Variants in HLCS observed in about 807,000 individuals in gnomAD.
The protein encoded by HLCS is biotin--protein ligase.
Under a neutral mutation model 75.0 loss-of-function variants are expected in HLCS, and 53 were observed. The observed-to-expected ratio is 0.71, with a 90% CI of 0.57 to 0.89. The LOEUF is 0.89. HLCS is among the 40% of genes least tolerant of loss of function. HLCS has a pLI of 0.00. For synonymous variants in HLCS, 431 were observed against 428.6 expected (o/e 1.01, Z -0.07); for missense variants, 966 against 1,074.0 (o/e 0.90, Z 1.41).
At chr21:36,940,843 G>A (rs766106002) in intron 2 of HLCS, among the ~76,000 whole-genome samples, 23 of 152,236 alleles carry the variant, frequency 1.5e-4, no homozygotes, top group Middle Eastern at 3.2e-3. Context: ...GACCTGGTGG[G>A]AGGTGACAGG....
chr21:36,889,068 G>A (rs778810704), intron 6 of HLCS, among the ~76,000 whole-genome samples: 69 of 152,252 alleles, frequency 4.5e-4, no homozygotes, highest in African/African-American at 1.0e-3. Flanking sequence ...TGCCTGAGCC[G>A]CCAGGACACC....
upstream of HLCS, among the ~76,000 whole-genome samples, chr21:36,968,036 A>C (rs1411732249): frequency 1.4e-5 from 2 of 147,978 alleles, no homozygotes; most frequent in African/African-American, 5.0e-5. Flanking sequence ...GATTTTTTTT[A>C]AGAGACAAGG....
intron 6 of HLCS, among the ~76,000 whole-genome samples, chr21:36,875,458 T>G (rs996300033): frequency 2.0e-5 from 3 of 152,220 alleles, no homozygotes; most frequent in Admixed American, 1.3e-4. Flanking sequence ...CGCTGAGAGC[T>G]GGACACATGT....
intron 6 of HLCS, among the ~76,000 whole-genome samples, chr21:36,855,867 C>A (rs959906456): frequency 6.6e-6 from 1 of 152,164 alleles, no homozygotes; most frequent in African/African-American, 2.4e-5. Context: ...TGTAAGCTCA[C>A]ACACCTGGCC....
At chr21:36,976,508 C>T (rs1036788303) in intron 1 of HLCS, among the ~76,000 whole-genome samples, 6 of 152,060 alleles carry the variant, frequency 3.9e-5, no homozygotes, top group Admixed American at 6.6e-5. Flanking sequence ...CATTTGAACC[C>T]GGGAGGCAGA....
chr21:36,973,200 A>G (rs1569268578), intron 1 of HLCS, among the ~76,000 whole-genome samples: 1 of 148,554 alleles, frequency 6.7e-6, no homozygotes, highest in Non-Finnish European at 1.5e-5. Flanking sequence ...ACTGGTCTCC[A>G]GCCTCAGCGA....
intron 6 of HLCS, among the ~76,000 whole-genome samples, chr21:36,892,353 A>G (rs2064822789): frequency 6.6e-6 from 1 of 152,094 alleles, no homozygotes; most frequent in South Asian, 2.1e-4. Context: ...GTTGCCAGAC[A>G]GCGACAAGGA....
rs2064507587 is a variant in HLCS at position 36,887,165 on chromosome 21, G to C, written c.1892+9695C>G. Reference sequence around the variant, plus strand: ...AAAAAAGTCAGCAGTCTACAATCTAGAAGATAATTTGACCAAGCCGGGTAG... The same window carrying C: ...AAAAAAGTCAGCAGTCTACAATCTACAAGATAATTTGACCAAGCCGGGTAG... On this transcript the variant is annotated intron_variant, in intron 6 of 10. Coordinates refer to ENST00000674895, the MANE Select transcript of HLCS (RefSeq NM_001352514.2). 2.0e-5 allele frequency among the ~76,000 whole-genome samples: 3 copies of C among 150,658 alleles called. No individual in the cohort carries two copies. The South Asian group carries it at 6.3e-4, about 32-fold the overall frequency.
At chr21:36,797,831 C>T (rs535610565) in intron 6 of HLCS, among the ~76,000 whole-genome samples, 1 of 152,332 alleles carries the variant, frequency 6.6e-6, no homozygotes, top group East Asian at 1.9e-4. Context: ...CACATGTTGA[C>T]TTAACACTGG....
chr21:36,930,510 CTT>C (rs372165359), intron 4 of HLCS, 77 bp from the exon 5 acceptor site: 65 of 1,035,648 alleles, frequency 6.3e-5, no homozygotes, highest in Non-Finnish European at 7.5e-5. Flanking sequence ...TTTTCTTTTT[CTT>C]TTTTTTTTTA....
intron 2 of HLCS, among the ~76,000 whole-genome samples, chr21:36,955,569 T>C (rs989845202): frequency 6.6e-6 from 1 of 152,146 alleles, no homozygotes; most frequent in African/African-American, 2.4e-5. Context: ...AATGTGTTTG[T>C]TTTAAGCTGT....
chr21:36,937,374 G>T lies in HLCS; in HGVS notation c.512C>A (p.Ser171Tyr). ...QKIVSVHLQD[S>Y]TLKEVKDQVS... ...CTGATCCTTAACTTCCTTCAGAGTG[G>T]AGTCCTGCAAGTGCACCGCTAAGGC... The change falls in exon 4 of 11, where the codon TCC (serine) becomes TAC (tyrosine). Residue 171 changes from serine to tyrosine, a missense_variant. Coordinates refer to ENST00000674895, the MANE Select transcript of HLCS (RefSeq NM_001352514.2). The T allele has an allele frequency of 6.2e-7, 1 of 1,613,686 alleles. No individual in the cohort carries two copies. Among genetic ancestry groups the T allele is most frequent in the South Asian group, 1.1e-5 (1 of 91,074 alleles).
intron 5 of HLCS, among the ~76,000 whole-genome samples, chr21:36,923,600 G>A (rs2146460066): frequency 6.6e-6 from 1 of 152,298 alleles, no homozygotes; most frequent in South Asian, 2.1e-4. Flanking sequence ...TTTCCCACAA[G>A]CACACATCTC....
intron 6 of HLCS, among the ~76,000 whole-genome samples, chr21:36,884,740 T>C (rs1421030992): frequency 1.3e-5 from 2 of 152,246 alleles, no homozygotes; most frequent in African/African-American, 4.8e-5. Flanking sequence ...ACAGAGGCAT[T>C]TGACAAAATG....
chr21:36,755,423 A>C (rs966253662), intron 10 of HLCS, among the ~76,000 whole-genome samples: 1 of 152,110 alleles, frequency 6.6e-6, no homozygotes, highest in Non-Finnish European at 1.5e-5. Context: ...AAAATAAAAA[A>C]AGTTTTTTAA....
chr21:36,928,338 G>A (rs966386901), intron 5 of HLCS, among the ~76,000 whole-genome samples: 5 of 152,174 alleles, frequency 3.3e-5, no homozygotes, highest in African/African-American at 1.2e-4. Context: ...GAAAGCCAAG[G>A]CAGGCAGATT....
chr21:36,756,816 G>A (rs2089621788), intron 9 of HLCS, 61 bp from the exon 10 acceptor site: 1 of 1,611,486 alleles, frequency 6.2e-7, no homozygotes, highest in Non-Finnish European at 8.5e-7. Context: ...ATTCCTCTCT[G>A]CCACATGGAA....
chr21:36,800,422 G>GA (rs369785192), intron 6 of HLCS, among the ~76,000 whole-genome samples: 130 of 152,304 alleles, frequency 8.5e-4, no homozygotes, highest in African/African-American at 3.0e-3. Context: ...ATCAGGTATG[G>GA]AACAGATGCA....
chr21:36,902,090 C>T (rs2065259618), intron 5 of HLCS, among the ~76,000 whole-genome samples: 1 of 152,074 alleles, frequency 6.6e-6, no homozygotes. Flanking sequence ...CCACAGAGCC[C>T]AGACTCTGAT....
Sources: gnomAD v4.1 joint callset for allele counts (sites outside exome capture counted in the v4.1 genomes callset) on GRCh38, gnomAD v4.1.1 for gene constraint, MANE v1.5 for transcripts, NCBI Gene and HGNC (gene_info 2026-07-23, HGNC 2026-07-21) for gene names.